Variants in ZNF652 observed in about 807,000 individuals in gnomAD.
ZNF652 encodes the protein zinc finger protein 652.
A neutral mutation model predicts 45.2 loss-of-function variants in ZNF652; 16 were observed. That is an observed-to-expected ratio of 0.35 (90% confidence interval 0.24 to 0.54). ZNF652 has a LOEUF of 0.54. Among genes scored for constraint, ZNF652 ranks in the 20% least tolerant of loss-of-function variants. The pLI is 0.91. For synonymous variants in ZNF652, 250 were observed against 260.6 expected (o/e 0.96, Z 0.39); for missense variants, 614 against 765.6 (o/e 0.80, Z 2.34).
At chr17:49,344,518 ATT>A (rs35027750) in intron 1 of ZNF652, among the ~76,000 whole-genome samples, 187 of 110,050 alleles carry the variant, frequency 1.7e-3, no homozygotes, top group African/African-American at 3.4e-3. Context: ...TCAAAGCAAA[ATT>A]TTTTTTTTTT....
intron 1 of ZNF652, among the ~76,000 whole-genome samples, chr17:49,350,941 G>T (rs1402557606): frequency 7.0e-6 from 1 of 142,740 alleles, no homozygotes; most frequent in Non-Finnish European, 1.5e-5. Context: ...CTACATTCCA[G>T]TCTGGGTGAC....
chr17:49,298,665 G>T lies in ZNF652; in HGVS notation c.1569C>A (p.Ala523=), dbSNP rs1019924270. ...TATTGATTGGAGGGGTTGGGGTTGT[G>T]GCTGTGTTCACCACAGAAGGAACTG... is the stretch of plus-strand genomic sequence containing the variant. ...ATPVPSVVNT[A]TTPTPPINMN... The change falls in exon 6 of 6, where the codon GCC becomes GCA. Residue 523 remains alanine (A), a synonymous_variant. Coordinates refer to ENST00000430262, the MANE Select transcript of ZNF652 (RefSeq NM_001145365.3). 1.9e-6 allele frequency: 3 copies of T among 1,613,866 alleles called. No homozygotes were observed. The African/African-American group carries it at 4.0e-5, about 22-fold the overall frequency.
chr17:49,312,127 G>T, intron 3 of ZNF652, 85 bp from the exon 4 acceptor site: 1 of 679,474 alleles, frequency 1.5e-6, no homozygotes, highest in South Asian at 2.2e-5. Flanking sequence ...AAGCAATTAG[G>T]CCATCCTAAT....
intron 5 of ZNF652, among the ~76,000 whole-genome samples, chr17:49,301,477 T>C (rs1434728364): frequency 3.9e-5 from 6 of 152,068 alleles, no homozygotes; most frequent in Non-Finnish European, 8.8e-5. Context: ...TTTGTATTTT[T>C]AGTAGAGATG....
rs779079436 is a variant in ZNF652, at chr17:49,292,578, G to A, written c.*5835C>T. Among the ~76,000 whole-genome samples the A allele has an allele frequency of 6.6e-6, 1 of 152,078 alleles. No homozygotes were observed. Among genetic ancestry groups the A allele is most frequent in the African/African-American group, 2.4e-5 (1 of 41,432 alleles). On this transcript the variant is annotated 3_prime_UTR_variant, in exon 6 of 6. Transcript: ENST00000430262. ...TGTACGGAAGGGAGTGGGCACATGG[G>A]AACAGGGCAGAGCAACAGCAGCACT...
At chr17:49,351,004 TATATATATATACAC>T (rs1439564213) in intron 1 of ZNF652, among the ~76,000 whole-genome samples, 13 of 21,072 alleles carry the variant, frequency 6.2e-4, no homozygotes, top group South Asian at 6.2e-3. Flanking sequence ...TATATATATA[TATATATATATACAC>T]ACACACACAC....
Position 49,353,037 on chromosome 17 carries a change from T to TGTG in ZNF652, c.-259+8869_-259+8871dup, listed in dbSNP as rs759886474. 2.9e-4 allele frequency among the ~76,000 whole-genome samples: 44 copies of TGTG among 152,158 alleles called. 1 individual carries two copies. Among genetic ancestry groups the TGTG allele is most frequent in the East Asian group, 2.1e-3 (11 of 5,188 alleles). On this transcript the variant is annotated intron_variant, in intron 1 of 5. Coordinates refer to ENST00000430262, the MANE Select transcript of ZNF652 (RefSeq NM_001145365.3). ...TGATGGAACTGTTCCGTGTCCTGGCTGTGGTGGTGGTGGTGGTGGTTATAC... is the reference window on the plus strand; with the variant it reads ...TGATGGAACTGTTCCGTGTCCTGGCTGTGGTGGTGGTGGTGGTGGTGGTTATAC...
chr17:49,353,886 A>G (rs575701362), intron 1 of ZNF652, among the ~76,000 whole-genome samples: 2 of 152,226 alleles, frequency 1.3e-5, no homozygotes, highest in Admixed American at 6.5e-5. Context: ...GTGGACATGT[A>G]TTAGTACACA....
intron 1 of ZNF652, among the ~76,000 whole-genome samples, chr17:49,337,807 A>G (rs2070102077): frequency 6.6e-6 from 1 of 152,098 alleles, no homozygotes; most frequent in Non-Finnish European, 1.5e-5. Flanking sequence ...CAATTCCTAC[A>G]TTCTATTCAT....
Position 49,362,208 on chromosome 17 carries a change from T to C in ZNF652, c.-558A>G, listed in dbSNP as rs2070407451. 6.7e-6 allele frequency: 1 copy of C among 149,858 alleles called. No individual in the cohort carries two copies. The highest frequency in any genetic ancestry group is 1.5e-5 in the Non-Finnish European group (1 of 66,968). The allele number at this position is 149,858 out of a possible 1,614,324, so 9.3% of individuals were successfully genotyped here. A position where few individuals can be genotyped will look rare whatever the true frequency, so the allele number is the denominator to read the frequency against. On this transcript the variant is annotated 5_prime_UTR_variant, in exon 1 of 6. Coordinates refer to ENST00000430262, the MANE Select transcript of ZNF652 (RefSeq NM_001145365.3). ...CGGGCGGCAGGGGAGGGGGTGTGCG[T>C]GTGTGGATGTGTGTGCCGGAGGGGG...
chr17:49,342,529 T>C (rs1032415811), intron 1 of ZNF652, among the ~76,000 whole-genome samples: 1 of 133,234 alleles, frequency 7.5e-6, no homozygotes, highest in Admixed American at 8.8e-5. Context: ...AGACTTTTTT[T>C]CATTAAATGC....
rs1347842312 is a variant in ZNF652 at position 49,294,001 on chromosome 17, A to T, written c.*4412T>A. ...TTTAAAACATTAAAACCGACCTATC[A>T]TTCTGTGTTTTACTAACTGAAACCT... On this transcript the variant is annotated 3_prime_UTR_variant, in exon 6 of 6. Transcript: ENST00000430262. Among the ~76,000 whole-genome samples the T allele has an allele frequency of 6.6e-6, 1 of 152,140 alleles. No individual in the cohort carries two copies. The highest frequency in any genetic ancestry group is 1.5e-5 in the Non-Finnish European group (1 of 67,990).
chr17:49,331,256 G>A (rs1335201714), intron 1 of ZNF652, among the ~76,000 whole-genome samples: 1 of 151,560 alleles, frequency 6.6e-6, no homozygotes, highest in Non-Finnish European at 1.5e-5. Flanking sequence ...CAAGTAGCTG[G>A]GACTACAGGT....
chr17:49,294,415 TAA>T lies in ZNF652; in HGVS notation c.*3996_*3997del, dbSNP rs949055388. 1.2e-4 allele frequency: 18 copies of T among 152,336 alleles called. No individual in the cohort carries two copies. The highest frequency in any genetic ancestry group is 4.1e-4 in the South Asian group (2 of 4,828). 9.4% of individuals were successfully genotyped at this position (152,336 alleles called of 1,614,324 possible). On this transcript the variant is annotated 3_prime_UTR_variant, in exon 6 of 6. Transcript: ENST00000430262. ...CTGATTTGCACAGTCTTCTTTGAAC[TAA>T]AGTTTTTTTTGTGGCGATCTCCCCT...
At chr17:49,351,009 A>ATATG (rs2070271919) in intron 1 of ZNF652, among the ~76,000 whole-genome samples, 7 of 13,674 alleles carry the variant, frequency 5.1e-4, no homozygotes, top group East Asian at 1.7e-3. Flanking sequence ...ATATATATAT[A>ATATG]TATATACACA....
At chr17:49,350,540 T>G (rs2070259859) in intron 1 of ZNF652, among the ~76,000 whole-genome samples, 2 of 49,866 alleles carry the variant, frequency 4.0e-5, no homozygotes, top group African/African-American at 1.9e-4. Flanking sequence ...AGACTCCGCC[T>G]CAAAAAAAAA....
chr17:49,326,378 G>C (rs12948660), intron 1 of ZNF652, among the ~76,000 whole-genome samples: 64,226 of 152,044 alleles, frequency 0.42, 13,971 homozygotes, highest in East Asian at 0.48. Flanking sequence ...AACCAGCTTG[G>C]GCTAAGAGAG....
chr17:49,352,792 T>G (rs1386709448), intron 1 of ZNF652, among the ~76,000 whole-genome samples: 1 of 152,152 alleles, frequency 6.6e-6, no homozygotes, highest in Non-Finnish European at 1.5e-5. Flanking sequence ...GAGTATTACC[T>G]GGCAATAAAA....
chr17:49,343,311 T>C (rs900036373), intron 1 of ZNF652, among the ~76,000 whole-genome samples: 5 of 152,250 alleles, frequency 3.3e-5, no homozygotes, highest in Admixed American at 2.6e-4. Context: ...TTCAAGACAC[T>C]ATCTCCCTAT....
Sources: allele counts gnomAD v4.1 joint callset (sites outside exome capture counted in the v4.1 genomes callset), GRCh38; gene constraint gnomAD v4.1.1; transcripts MANE v1.5; gene names NCBI Gene and HGNC (gene_info 2026-07-23, HGNC 2026-07-21).